The following ARK2C variants were observed in gnomAD, a reference collection of about 807,000 sequenced individuals.
ARK2C encodes the protein arkadia (RNF111) C-terminal like ring finger ubiquitin ligase 2C.
chr18:46,356,324 G>C, the ARK2C span, among the ~76,000 whole-genome samples: 1 of 152,154 alleles, frequency 6.6e-6, no homozygotes, highest in Admixed American at 6.5e-5. Context: ...CAGCAAACAA[G>C]CAGGCCAATA....
At chr18:46,435,652 A>G in the ARK2C span, among the ~76,000 whole-genome samples, 1 of 152,158 alleles carries the variant, frequency 6.6e-6, no homozygotes, top group African/African-American at 2.4e-5. Flanking sequence ...ATGGTCCTGC[A>G]GTGGGGGAGG....
chr18:46,389,347 A>C, the ARK2C span, among the ~76,000 whole-genome samples: 10 of 152,238 alleles, frequency 6.6e-5, no homozygotes, highest in Admixed American at 2.0e-4. Context: ...TAAATAAAAC[A>C]TCACTGTAAG....
chr18:46,401,712 C>G, the ARK2C span, among the ~76,000 whole-genome samples: 4 of 152,232 alleles, frequency 2.6e-5, no homozygotes, highest in Admixed American at 1.3e-4. Context: ...CTCAAGTCAG[C>G]CCCGTGAGGT....
chr18:46,393,748 G>C, the ARK2C span, among the ~76,000 whole-genome samples: 1 of 152,232 alleles, frequency 6.6e-6, no homozygotes, highest in Non-Finnish European at 1.5e-5. Context: ...TGGGGAGAGA[G>C]GCCAGTAAGT....
the ARK2C span, chr18:46,334,534 G>T: frequency 4.1e-6 from 2 of 493,476 alleles, no homozygotes; most frequent in Non-Finnish European, 7.0e-6. The surrounding 1 kb of genome is among the most constrained non-coding windows in gnomAD (Gnocchi z 4.4). Flanking sequence ...TTGTAGTGAA[G>T]TTAGGGTTTG....
the ARK2C span, chr18:46,433,254 C>G: frequency 6.2e-7 from 1 of 1,609,216 alleles, no homozygotes; most frequent in South Asian, 1.1e-5. Context: ...ACCTGGGCCC[C>G]CCGCAGCCGC....
At chr18:46,364,052 G>A in the ARK2C span, among the ~76,000 whole-genome samples, 2 of 149,064 alleles carry the variant, frequency 1.3e-5, no homozygotes, top group South Asian at 2.1e-4. Context: ...GGTTCAAGCA[G>A]TTCTCATGCG....
At chr18:46,401,349 A>G in the ARK2C span, among the ~76,000 whole-genome samples, 6 of 152,154 alleles carry the variant, frequency 3.9e-5, no homozygotes, top group East Asian at 1.2e-3. Flanking sequence ...TCCCATCACC[A>G]ACATCAAATG....
the ARK2C span, chr18:46,337,395 C>T: frequency 1.0e-6 from 1 of 985,298 alleles, no homozygotes; most frequent in African/African-American, 1.7e-5. Flanking sequence ...AAAACTAAAG[C>T]ATGATCTGTA....
chr18:46,447,513 C>T, the ARK2C span: 17 of 1,611,336 alleles, frequency 1.1e-5, no homozygotes, highest in East Asian at 6.7e-5. Flanking sequence ...CCTTCTCTAA[C>T]CTGGCTAAAT....
the ARK2C span, among the ~76,000 whole-genome samples, chr18:46,340,976 G>C: frequency 1.3e-5 from 2 of 152,216 alleles, no homozygotes; most frequent in Admixed American, 6.5e-5. Flanking sequence ...GCCAAGGCCA[G>C]TGGCTCTGCT....
the ARK2C span, chr18:46,335,112 G>A: frequency 2.0e-5 from 3 of 152,616 alleles, no homozygotes; most frequent in African/African-American, 7.2e-5. Flanking sequence ...GCGCGCCTCG[G>A]AGAGTCAGAC....
At chr18:46,348,052 G>A in the ARK2C span, among the ~76,000 whole-genome samples, 23 of 152,260 alleles carry the variant, frequency 1.5e-4, no homozygotes, top group South Asian at 2.5e-3. Context: ...ACTGAACCTC[G>A]TGGGAAACAG....
the ARK2C span, among the ~76,000 whole-genome samples, chr18:46,368,022 A>G: frequency 6.6e-6 from 1 of 152,224 alleles, no homozygotes; most frequent in Non-Finnish European, 1.5e-5. Flanking sequence ...TTAAACATGC[A>G]GATTCCTGGG....
At chr18:46,448,690 T>C in the ARK2C span, among the ~76,000 whole-genome samples, 1 of 152,182 alleles carries the variant, frequency 6.6e-6, no homozygotes, top group Non-Finnish European at 1.5e-5. Flanking sequence ...TTCTGCCTTT[T>C]TCAGAGGGCA....
At chr18:46,352,881 C>T in the ARK2C span, among the ~76,000 whole-genome samples, 351 of 152,342 alleles carry the variant, frequency 2.3e-3, 1 homozygote, top group African/African-American at 8.2e-3. Context: ...TCATCTCTGC[C>T]TCAGTTGGTG....
chr18:46,423,174 G>C, the ARK2C span, among the ~76,000 whole-genome samples: 1 of 152,198 alleles, frequency 6.6e-6, no homozygotes, highest in African/African-American at 2.4e-5. Flanking sequence ...GATGTCCAAA[G>C]GCCCTGGGAT....
the ARK2C span, among the ~76,000 whole-genome samples, chr18:46,374,665 A>C: frequency 6.6e-6 from 1 of 152,154 alleles, no homozygotes; most frequent in African/African-American, 2.4e-5. Context: ...CTTAAAAAAG[A>C]AAAAAGCAAT....
chr18:46,381,796 A>C, the ARK2C span, among the ~76,000 whole-genome samples: 4 of 151,788 alleles, frequency 2.6e-5, no homozygotes, highest in Admixed American at 6.6e-5. Context: ...CTACCACTGC[A>C]CCCTAATCTG....
Sources: allele counts gnomAD v4.1 joint callset (sites outside exome capture counted in the v4.1 genomes callset), GRCh38; gene constraint gnomAD v4.1.1; non-coding constraint Gnocchi (gnomAD v3.1); transcripts MANE v1.5; gene names NCBI Gene and HGNC (gene_info 2026-07-23, HGNC 2026-07-21).